Variants in MPHOSPH9 observed in about 807,000 individuals in gnomAD.
The protein encoded by MPHOSPH9 is M-phase phosphoprotein 9.
In MPHOSPH9, 88 loss-of-function variants were observed where a neutral mutation model predicts 145.5. The observed-to-expected ratio is 0.60, with a 90% CI of 0.51 to 0.72. The LOEUF (loss-of-function observed/expected upper bound fraction) is 0.72. Ranked by LOEUF, MPHOSPH9 falls within the 30% of genes least tolerant of loss-of-function variation. The pLI, the probability that MPHOSPH9 is intolerant of heterozygous loss-of-function variation, is 0.00. For synonymous variants in MPHOSPH9, 435 were observed against 486.2 expected (o/e 0.89, Z 1.39); for missense variants, 1,238 against 1,386.6 (o/e 0.89, Z 1.70).
At position 123,219,814 on chromosome 12, in the gene MPHOSPH9, A is replaced by C. The variant is rs189291880; in HGVS notation, c.873-1315T>G. On this transcript the variant is annotated intron_variant, in intron 5 of 23. Transcript: ENST00000606320. ...TTTAAGGATTACTTGTTTTACAAACATTCAGTCACAGTTTAATAAAAAGCC... is the reference window on the plus strand; with the variant it reads ...TTTAAGGATTACTTGTTTTACAAACCTTCAGTCACAGTTTAATAAAAAGCC... 1.7e-4 allele frequency among the ~76,000 whole-genome samples: 26 copies of C among 152,330 alleles called. No individual in the cohort carries two copies. In the East Asian group the frequency reaches 4.4e-3, roughly 26 times the overall value.
At chr12:123,161,446 A>G in intron 21 of MPHOSPH9, 63 bp from the exon 22 acceptor site, 5 of 1,557,636 alleles carry the variant, frequency 3.2e-6, no homozygotes, top group South Asian at 1.2e-5. Flanking sequence ...TTGCATATAT[A>G]TTAAATATGT....
intron 15 of MPHOSPH9, among the ~76,000 whole-genome samples, chr12:123,179,094 C>T (rs1011098607): frequency 6.6e-6 from 1 of 152,098 alleles, no homozygotes; most frequent in African/African-American, 2.4e-5. Context: ...AAATATCCAC[C>T]TCTGAGGCAC....
intron 8 of MPHOSPH9, among the ~76,000 whole-genome samples, chr12:123,205,273 T>C (rs1177138044): frequency 1.3e-5 from 2 of 152,128 alleles, no homozygotes; most frequent in Non-Finnish European, 2.9e-5. Flanking sequence ...AAATATACTG[T>C]GGTGGCTCAC....
At chr12:123,172,337 C>CTT (rs564906823) in intron 16 of MPHOSPH9, among the ~76,000 whole-genome samples, 1 of 146,026 alleles carries the variant, frequency 6.8e-6, no homozygotes, top group African/African-American at 2.5e-5. Flanking sequence ...AATTTTCTTT[C>CTT]TTTTTTTTTT....
At chr12:123,188,512 T>G (rs1246439627) in intron 13 of MPHOSPH9, among the ~76,000 whole-genome samples, 1 of 152,124 alleles carries the variant, frequency 6.6e-6, no homozygotes, top group Non-Finnish European at 1.5e-5. Context: ...GTATCCATTT[T>G]CCCTCCCCTT....
At position 123,221,729 on chromosome 12, in the gene MPHOSPH9, G is replaced by A. The variant is rs771211110; in HGVS notation, c.515C>T (p.Ser172Phe). 2.5e-6 allele frequency: 4 copies of A among 1,614,030 alleles called. No individual in the cohort carries two copies. In the South Asian group the frequency reaches 4.4e-5, roughly 18 times the overall value. ...RNESVIHYPE[S>F]TEPEIQQEMS... is the part of the protein sequence containing the mutation. ...TTCTTGCTGTATTTCAGGTTCTGTGGATTCAGGATAATGGATAACAGATTC... is the reference window on the plus strand; with the variant it reads ...TTCTTGCTGTATTTCAGGTTCTGTGAATTCAGGATAATGGATAACAGATTC... Residue 172 changes from serine to phenylalanine, a missense_variant, in exon 5 of 24, where the codon TCC (serine) becomes TTC (phenylalanine). Physicochemically the swap from Ser to Phe is radical, Grantham distance 155 (BLOSUM62 -2). Around this residue, in one of 3 missense-constraint regions of MPHOSPH9, gnomAD observed 837 missense variants for 897.5 expected, o/e 0.93. Coordinates refer to ENST00000606320, the MANE Select transcript of MPHOSPH9 (RefSeq NM_022782.4).
At chr12:123,228,679 T>A (rs1364724010) in intron 2 of MPHOSPH9, among the ~76,000 whole-genome samples, 1 of 151,184 alleles carries the variant, frequency 6.6e-6, no homozygotes, top group African/African-American at 2.4e-5. Flanking sequence ...AGAGCAAGAC[T>A]CCGTCAAAAA....
In MPHOSPH9 at chr12:123,194,434, T is replaced by G; in HGVS notation, c.2193A>C (p.Ser731=). Residue 731 remains serine, a synonymous_variant, in exon 13 of 24, where the codon TCA becomes TCC. Coordinates refer to ENST00000606320, the MANE Select transcript of MPHOSPH9 (RefSeq NM_022782.4). ...GTTTTAGTTGAGCTTCTTTATCATC[T>G]GAGAGTTTGTAAGCATTCTCAAATG... ...EEAFENAYKL[S]DDKEAQLKQE... is the part of the protein sequence containing the mutation. 6.2e-7 allele frequency: 1 copy of G among 1,608,342 alleles called. No individual in the cohort carries two copies.
Position 123,160,859 on chromosome 12 carries a change from C to A in MPHOSPH9, c.3382-10G>T. The A allele has an allele frequency of 6.2e-7, 1 of 1,612,312 alleles. No individual in the cohort carries two copies. The highest frequency in any genetic ancestry group is 8.5e-7 in the Non-Finnish European group (1 of 1,179,446). Reference sequence around the variant, plus strand: ...TTAGTGCTGCCTCAATCTGTTAACACACGAAAAAAATATGTTTAAATTACT... The same window carrying A: ...TTAGTGCTGCCTCAATCTGTTAACAAACGAAAAAAATATGTTTAAATTACT... On this transcript the variant is annotated splice_polypyrimidine_tract_variant and intron_variant, in intron 22 of 23. Transcript: ENST00000606320.
chr12:123,204,672 C>T (rs1027857717), intron 8 of MPHOSPH9, among the ~76,000 whole-genome samples: 20 of 152,062 alleles, frequency 1.3e-4, no homozygotes, highest in African/African-American at 4.8e-4. Context: ...GTCGGGAGTT[C>T]GAGACCAGCC....
At chr12:123,199,745 A>G (rs1028219109) in intron 11 of MPHOSPH9, among the ~76,000 whole-genome samples, 3 of 151,654 alleles carry the variant, frequency 2.0e-5, no homozygotes, top group Non-Finnish European at 4.4e-5. Flanking sequence ...GTGAGCCGAG[A>G]CAGCACCACT....
intron 8 of MPHOSPH9, among the ~76,000 whole-genome samples, chr12:123,205,317 G>A (rs754726970): frequency 1.7e-4 from 26 of 152,136 alleles, no homozygotes; most frequent in Non-Finnish European, 2.1e-4. Context: ...AGGCCAAGGC[G>A]GGTGGATCAC....
intron 14 of MPHOSPH9, among the ~76,000 whole-genome samples, chr12:123,180,589 A>C (rs1369505699): frequency 6.6e-6 from 1 of 152,208 alleles, no homozygotes; most frequent in Non-Finnish European, 1.5e-5. Flanking sequence ...TCAGTATTAA[A>C]TGGCTGGGTG....
intron 12 of MPHOSPH9, among the ~76,000 whole-genome samples, chr12:123,196,086 G>A (rs1261091250): frequency 1.3e-5 from 2 of 151,414 alleles, no homozygotes; most frequent in Admixed American, 1.3e-4. Flanking sequence ...AATACGCTGG[G>A]TGCCAGTAAC....
chr12:123,193,823 G>GT (rs35393288), intron 13 of MPHOSPH9, among the ~76,000 whole-genome samples: 87,658 of 146,250 alleles, frequency 0.6, 29,471 homozygotes, highest in Non-Finnish European at 0.74. Flanking sequence ...TGCAGACACA[G>GT]TTTTTTTTTT....
rs778842456 is a variant in MPHOSPH9 at position 123,221,719 on chromosome 12, A to G, written c.525T>C (p.Pro175=). ...ACGTGGACATTTCTTGCTGTATTTC[A>G]GGTTCTGTGGATTCAGGATAATGGA... ...SVIHYPESTE[P]EIQQEMSTSQ... Residue 175 remains proline, a synonymous_variant, in exon 5 of 24, where the codon CCT becomes CCC. Coordinates refer to ENST00000606320, the MANE Select transcript of MPHOSPH9 (RefSeq NM_022782.4). The G allele has an allele frequency of 1.2e-6, 2 of 1,614,010 alleles. No homozygotes were observed. The highest frequency in any genetic ancestry group is 1.7e-5 in the Admixed American group (1 of 59,990).
chr12:123,175,812 T>A (rs1379401825), intron 16 of MPHOSPH9, among the ~76,000 whole-genome samples: 4 of 124,532 alleles, frequency 3.2e-5, no homozygotes, highest in Non-Finnish European at 5.3e-5. Flanking sequence ...GTTACTTACA[T>A]CTTTTCTTTA....
chr12:123,229,619 G>C (rs912332286), intron 2 of MPHOSPH9, among the ~76,000 whole-genome samples: 13 of 152,092 alleles, frequency 8.5e-5, no homozygotes, highest in African/African-American at 3.1e-4. Flanking sequence ...ATTTAAAAAT[G>C]TAGAAATAAT....
In MPHOSPH9 at chr12:123,154,365, C is replaced by T. The variant is rs1310888731; in HGVS notation, c.*2442G>A. Reference sequence around the variant, plus strand: ...TGGAGTGTTTTTTCAGTTGAGTGTTCATAAGATAAGCATTACCGAAGAGAA... The same window carrying T: ...TGGAGTGTTTTTTCAGTTGAGTGTTTATAAGATAAGCATTACCGAAGAGAA... On this transcript the variant is annotated 3_prime_UTR_variant, in exon 24 of 24. Coordinates refer to ENST00000606320, the MANE Select transcript of MPHOSPH9 (RefSeq NM_022782.4). The T allele has an allele frequency of 6.6e-6, 1 of 151,964 alleles. No individual in the cohort carries two copies. Among genetic ancestry groups the T allele is most frequent in the African/African-American group, 2.4e-5 (1 of 41,350 alleles). The allele number at this position is 151,964 out of a possible 1,614,324, so 9.4% of individuals were successfully genotyped here.
Sources: gnomAD v4.1 joint callset for allele counts (sites outside exome capture counted in the v4.1 genomes callset) on GRCh38, gnomAD v4.1.1 for gene constraint, gnomAD v4.1.1 regional missense constraint, MANE v1.5 for transcripts, NCBI Gene and HGNC (gene_info 2026-07-23, HGNC 2026-07-21) for gene names.